The following LARGE1 variants were observed in gnomAD, a reference collection of about 807,000 sequenced individuals.
The protein encoded by LARGE1 is LARGE xylosyl- and glucuronyltransferase 1.
Under a neutral mutation model 87.6 loss-of-function variants are expected in LARGE1, and 43 were observed. The observed-to-expected ratio is 0.49, with a 90% CI of 0.38 to 0.63. The LOEUF is 0.63. LARGE1 is among the 30% of genes least tolerant of loss of function. The pLI, the probability that LARGE1 is intolerant of heterozygous loss-of-function variation, is 0.00. For synonymous variants in LARGE1, 434 were observed against 394.6 expected (o/e 1.10, Z -1.18); for missense variants, 802 against 1,000.2 (o/e 0.80, Z 2.67).
intron 7 of LARGE1, among the ~76,000 whole-genome samples, chr22:33,384,849 C>T (rs1213189582): frequency 6.7e-6 from 1 of 148,930 alleles, no homozygotes; most frequent in Non-Finnish European, 1.5e-5. Context: ...TAGGTTCTCT[C>T]CTGTGTTTTT....
At chr22:33,910,417 G>C (rs1174675153) in intron 1 of LARGE1, among the ~76,000 whole-genome samples, 1 of 152,080 alleles carries the variant, frequency 6.6e-6, no homozygotes, top group African/African-American at 2.4e-5. Flanking sequence ...GTTTGGTGAC[G>C]CCTCCTCCTA....
the LARGE1 span, among the ~76,000 whole-genome samples, chr22:33,125,191 G>C: frequency 6.6e-6 from 1 of 152,148 alleles, no homozygotes; most frequent in African/African-American, 2.4e-5. Context: ...CCCCTTCCTG[G>C]TTTCTGCCAG....
At chr22:33,666,395 C>T (rs1441698967) in intron 2 of LARGE1, among the ~76,000 whole-genome samples, 2 of 152,208 alleles carry the variant, frequency 1.3e-5, no homozygotes, top group Admixed American at 6.5e-5. Flanking sequence ...GGCTACCCTG[C>T]CTGGGTTGTC....
chr22:33,219,787 G>A (rs1322951205), intron 11 of LARGE1, among the ~76,000 whole-genome samples: 1 of 152,122 alleles, frequency 6.6e-6, no homozygotes, highest in African/African-American at 2.4e-5. Context: ...GAACTCAGAC[G>A]CCATGCCTGG....
the LARGE1 span, among the ~76,000 whole-genome samples, chr22:33,110,025 AAC>A: frequency 6.6e-6 from 1 of 152,216 alleles, no homozygotes; most frequent in Admixed American, 6.5e-5. Flanking sequence ...ATGCAAAGTG[AAC>A]TAACACGCTT....
chr22:33,381,987 A>G lies in LARGE1; in HGVS notation c.1063T>C (p.Phe355Leu). Residue 355 changes from phenylalanine to leucine, a missense_variant, in exon 9 of 15, where the codon TTC becomes CTC. By Grantham distance (22) the Phe-to-Leu change is conservative. Transcript: ENST00000397394. ...NPFLVYQLPCFWNVQLSDHTR... is the reference protein window; with the variant it reads ...NPFLVYQLPCLWNVQLSDHTR... ...TGGTCTGACAGCTGCACATTCCAGA[A>G]GCAGGGGAGCTGGTACACAAGGAAG... 1 of 1,614,166 alleles carries G rather than the reference A, an allele frequency of 6.2e-7. No homozygotes were observed. Among genetic ancestry groups the G allele is most frequent in the Non-Finnish European group, 8.5e-7 (1 of 1,180,016 alleles).
chr22:33,149,323 T>C, the LARGE1 span, among the ~76,000 whole-genome samples: 1 of 152,182 alleles, frequency 6.6e-6, no homozygotes, highest in African/African-American at 2.4e-5. Flanking sequence ...ATTACAGCCG[T>C]GAGCCACCGC....
chr22:33,338,268 C>A (rs919000006), intron 9 of LARGE1, among the ~76,000 whole-genome samples: 2 of 152,178 alleles, frequency 1.3e-5, no homozygotes, highest in African/African-American at 2.4e-5. Flanking sequence ...CTGTGGGCAT[C>A]ACCCTAGTCC....
At chr22:33,833,876 G>A (rs149807776) in intron 1 of LARGE1, among the ~76,000 whole-genome samples, 1,618 of 152,176 alleles carry the variant, frequency 0.011, 28 homozygotes, top group African/African-American at 0.035. Context: ...TAGTAGAGAC[G>A]AGGTTTCACT....
chr22:33,291,687 TAA>T (rs796078466), intron 12 of LARGE1, among the ~76,000 whole-genome samples: 1 of 143,940 alleles, frequency 6.9e-6, no homozygotes, highest in Non-Finnish European at 1.5e-5. Flanking sequence ...ACATAATGAT[TAA>T]AAAAAAAAAA....
chr22:33,748,330 C>T (rs1191566474), intron 2 of LARGE1, among the ~76,000 whole-genome samples: 1 of 152,018 alleles, frequency 6.6e-6, no homozygotes, highest in Non-Finnish European at 1.5e-5. Context: ...CGGGGTTTCA[C>T]CATGTTGGCC....
chr22:33,477,462 T>C (rs369684907), intron 6 of LARGE1, among the ~76,000 whole-genome samples: 23 of 152,266 alleles, frequency 1.5e-4, no homozygotes, highest in African/African-American at 5.3e-4. Flanking sequence ...CAGGGAAAAA[T>C]GTGTCAATCT....
intron 5 of LARGE1, among the ~76,000 whole-genome samples, chr22:33,568,025 A>G (rs191606901): frequency 1.9e-3 from 284 of 152,352 alleles, no homozygotes; most frequent in Non-Finnish European, 3.0e-3. Context: ...TAATCTAAGT[A>G]TATGCAGAAT....
At chr22:33,700,610 A>G (rs148686432) in intron 2 of LARGE1, among the ~76,000 whole-genome samples, 172 of 152,314 alleles carry the variant, frequency 1.1e-3, no homozygotes, top group African/African-American at 4.0e-3. Flanking sequence ...AGCTGTTCAG[A>G]GCCCACTGTG....
chr22:33,548,676 A>G (rs2077437260), intron 6 of LARGE1, among the ~76,000 whole-genome samples: 1 of 152,110 alleles, frequency 6.6e-6, no homozygotes, highest in African/African-American at 2.4e-5. Flanking sequence ...CAGCCTCCCA[A>G]TGTGCTGGGA....
At chr22:33,781,763 C>G (rs2085427770) in intron 1 of LARGE1, among the ~76,000 whole-genome samples, 1 of 152,144 alleles carries the variant, frequency 6.6e-6, no homozygotes, top group Non-Finnish European at 1.5e-5. Context: ...CCGCATTAGT[C>G]CATAAATTCC....
At chr22:33,802,848 A>G (rs1410132848) in intron 1 of LARGE1, among the ~76,000 whole-genome samples, 1 of 152,084 alleles carries the variant, frequency 6.6e-6, no homozygotes, top group East Asian at 1.9e-4. Context: ...TTTGCACAAG[A>G]GGGCAGGGAC....
rs536654371 is a variant in LARGE1 at position 33,466,693 on chromosome 22, T to TACACACACACACACACACACACAC, written c.788-34429_788-34428insGTGTGTGTGTGTGTGTGTGTGTGT. Reference sequence around the variant, plus strand: ...GCCTCATTCACCCCCTCTCTCTCTCTACACACACACACACACACACATACA... The same window carrying TACACACACACACACACACACACAC: ...GCCTCATTCACCCCCTCTCTCTCTCTACACACACACACACACACACACACACACACACACACACACACACATACA... On this transcript the variant is annotated intron_variant, in intron 6 of 14. Coordinates refer to ENST00000397394, the MANE Select transcript of LARGE1 (RefSeq NM_133642.5). Among the ~76,000 whole-genome samples the TACACACACACACACACACACACAC allele has an allele frequency of 6.9e-5, 10 of 145,344 alleles. No individual in the cohort carries two copies. The East Asian group carries it at 8.2e-4, about 12-fold the overall frequency.
intron 1 of LARGE1, among the ~76,000 whole-genome samples, chr22:33,916,472 T>C (rs2065790427): frequency 6.6e-6 from 1 of 152,144 alleles, no homozygotes; most frequent in Admixed American, 6.6e-5. Context: ...AACGAAGCCT[T>C]TCACTCGTTG....
Sources: allele counts gnomAD v4.1 joint callset (sites outside exome capture counted in the v4.1 genomes callset), GRCh38; gene constraint gnomAD v4.1.1; transcripts MANE v1.5; gene names NCBI Gene and HGNC (gene_info 2026-07-23, HGNC 2026-07-21).